Variants in PIK3R6 observed in about 807,000 individuals in gnomAD.
The protein encoded by PIK3R6 is phosphoinositide-3-kinase regulatory subunit 6.
In PIK3R6, 91 loss-of-function variants were observed where a neutral mutation model predicts 84.9. The ratio of observed to expected loss-of-function variants is 1.07; its 90% confidence interval spans 0.90 to 1.28. The LOEUF is 1.28. Ranked by LOEUF, PIK3R6 falls within the 50% of genes most tolerant of loss-of-function variation. The pLI, the probability that PIK3R6 is intolerant of heterozygous loss-of-function variation, is 0.00. For synonymous variants in PIK3R6, 416 were observed against 411.4 expected (o/e 1.01, Z -0.13); for missense variants, 996 against 985.1 (o/e 1.01, Z -0.15).
At chr17:8,853,217 A>G (rs754384210) in intron 1 of PIK3R6, among the ~76,000 whole-genome samples, 8 of 151,818 alleles carry the variant, frequency 5.3e-5, no homozygotes, top group African/African-American at 9.7e-5. Context: ...GGGGCGCAGT[A>G]GCTCACGCCT....
rs57194775 is a variant in PIK3R6, at chr17:8,839,495, T to G, written c.97+119A>C. 1 of 726,348 alleles carries G rather than the reference T, an allele frequency of 1.4e-6. No individual in the cohort carries two copies. Among genetic ancestry groups the G allele is most frequent in the Non-Finnish European group, 2.2e-6 (1 of 453,630 alleles). 45.0% of individuals were successfully genotyped at this position (726,348 alleles called of 1,614,324 possible). A position where few individuals can be genotyped will look rare whatever the true frequency, so the allele number is the denominator to read the frequency against. ...TATTTCCAGCAGGAAAGGGGTTTGG[T>G]GAGACGACCCTTGCCCCCTGAGCTC... On this transcript the variant is annotated intron_variant, in intron 3 of 19. Coordinates refer to ENST00000619866, the MANE Select transcript of PIK3R6 (RefSeq NM_001010855.4). This position sits in a 1 kb window ranked among gnomAD's most constrained non-coding sequence, Gnocchi z 4.2.
intron 1 of PIK3R6, among the ~76,000 whole-genome samples, chr17:8,850,639 T>A (rs1178843431): frequency 6.6e-6 from 1 of 152,170 alleles, no homozygotes; most frequent in Non-Finnish European, 1.5e-5. Flanking sequence ...CCCAGAGCGA[T>A]AAACCCAATG....
At position 8,804,169 on chromosome 17, in the gene PIK3R6, C is replaced by T. The variant is rs749130315; in HGVS notation, c.1996-16G>A. The T allele has an allele frequency of 3.1e-6, 5 of 1,601,286 alleles. No homozygotes were observed. In the South Asian group the frequency reaches 3.3e-5, roughly 11 times the overall value. The stretch of plus-strand genomic sequence containing the variant: ...TGGTCACTGTCTGCAGCACAGAGAT[C>T]GCACGTGTGAGTGTTGCCTTTGCTC... On this transcript the variant is annotated splice_polypyrimidine_tract_variant and intron_variant, in intron 18 of 19. Transcript: ENST00000619866.
Position 8,844,346 on chromosome 17 carries a change from C to T in PIK3R6, c.14-4649G>A, listed in dbSNP as rs1157964212. Among the ~76,000 whole-genome samples the T allele has an allele frequency of 6.6e-6, 1 of 152,210 alleles. No individual in the cohort carries two copies. Among genetic ancestry groups the T allele is most frequent in the Non-Finnish European group, 1.5e-5 (1 of 68,048 alleles). Reference sequence around the variant, plus strand: ...ACAAACTCCCACGTAGGGGGAAGCACTCCAAGTGAATGATGCTAGAGTTCA... The same window carrying T: ...ACAAACTCCCACGTAGGGGGAAGCATTCCAAGTGAATGATGCTAGAGTTCA... On this transcript the variant is annotated intron_variant, in intron 2 of 19. Coordinates refer to ENST00000619866, the MANE Select transcript of PIK3R6 (RefSeq NM_001010855.4). The surrounding 1 kb of genome is among the most constrained non-coding windows in gnomAD (Gnocchi z 4.5).
intron 18 of PIK3R6, among the ~76,000 whole-genome samples, chr17:8,818,026 CAGAT>C (rs766049430): frequency 2.0e-5 from 3 of 149,866 alleles, no homozygotes; most frequent in Non-Finnish European, 4.4e-5. Context: ...GAACTGCAAA[CAGAT>C]AGAGAAGAGC....
chr17:8,867,167 T>G (rs191408374), intron 1 of PIK3R6, among the ~76,000 whole-genome samples: 21 of 152,288 alleles, frequency 1.4e-4, no homozygotes, highest in African/African-American at 4.6e-4. Context: ...AACCTCTAAA[T>G]GCTGGTGAGA....
chr17:8,803,683 A>C lies in PIK3R6; in HGVS notation c.2109-254T>G. ...TTACCCAAACACACCTCCCGAGGGGAAGCCAGTAAGGGTCAGCTAACTGGA... is the reference window on the plus strand; with the variant it reads ...TTACCCAAACACACCTCCCGAGGGGCAGCCAGTAAGGGTCAGCTAACTGGA... On this transcript the variant is annotated intron_variant, in intron 19 of 19. Coordinates refer to ENST00000619866, the MANE Select transcript of PIK3R6 (RefSeq NM_001010855.4). The surrounding 1 kb of genome is among the most constrained non-coding windows in gnomAD (Gnocchi z 5.0). The C allele has an allele frequency of 1.8e-6, 1 of 546,238 alleles. No homozygotes were observed. Among genetic ancestry groups the C allele is most frequent in the Non-Finnish European group, 3.2e-6 (1 of 308,870 alleles). 33.8% of individuals were successfully genotyped at this position (546,238 alleles called of 1,614,324 possible).
chr17:8,807,331 C>A (rs1025031787), intron 18 of PIK3R6, among the ~76,000 whole-genome samples: 102 of 152,152 alleles, frequency 6.7e-4, no homozygotes, highest in Non-Finnish European at 1.2e-4. Context: ...AGGCCAGACA[C>A]CACACCAGCT....
chr17:8,840,750 T>TG (rs1163781935), intron 2 of PIK3R6, among the ~76,000 whole-genome samples: 458 of 128,898 alleles, frequency 3.6e-3, no homozygotes, highest in Non-Finnish European at 6.2e-3. Flanking sequence ...TATTATTATT[T>TG]TTGTGTGTGT....
At chr17:8,845,211 A>G (rs2088788609) in intron 2 of PIK3R6, among the ~76,000 whole-genome samples, 2 of 152,192 alleles carry the variant, frequency 1.3e-5, no homozygotes, top group South Asian at 2.1e-4. Flanking sequence ...GCTGGGTCGA[A>G]TGGTAGCTCT....
chr17:8,828,520 G>A, intron 11 of PIK3R6, 47 bp downstream of exon 11: 1 of 1,590,270 alleles, frequency 6.3e-7, no homozygotes, highest in Non-Finnish European at 8.5e-7. Context: ...AGGCCCACCT[G>A]TGCCCCTGAC....
In PIK3R6 at chr17:8,802,984, A is replaced by C; in HGVS notation, c.*289T>G. On this transcript the variant is annotated 3_prime_UTR_variant, in exon 20 of 20. Coordinates refer to ENST00000619866, the MANE Select transcript of PIK3R6 (RefSeq NM_001010855.4). ...TTGGGTGGGAGAGGACAGTGGGAGA[A>C]GTGGGAATTGAAGCTAAATGAAGGA... 2.7e-6 allele frequency: 1 copy of C among 367,414 alleles called. No homozygotes were observed. The highest frequency in any genetic ancestry group is 5.0e-6 in the Non-Finnish European group (1 of 199,642). The allele number at this position is 367,414 out of a possible 1,614,324, so 22.8% of individuals were successfully genotyped here. A position where few individuals can be genotyped will look rare whatever the true frequency, so the allele number is the denominator to read the frequency against.
chr17:8,819,020 C>A, intron 18 of PIK3R6, 63 bp downstream of exon 18: 1 of 1,295,212 alleles, frequency 7.7e-7, no homozygotes, highest in Non-Finnish European at 1.1e-6. Flanking sequence ...CCCCTCTGGG[C>A]TCCCAGCCAC....
At chr17:8,841,073 T>A (rs1371422086) in intron 2 of PIK3R6, among the ~76,000 whole-genome samples, 1 of 152,074 alleles carries the variant, frequency 6.6e-6, no homozygotes, top group East Asian at 1.9e-4. Flanking sequence ...TTTTAGTAGT[T>A]CCTGAATCCA....
At chr17:8,857,237 G>A (rs942184528) in intron 1 of PIK3R6, among the ~76,000 whole-genome samples, 24 of 152,162 alleles carry the variant, frequency 1.6e-4, no homozygotes, top group African/African-American at 5.1e-4. Flanking sequence ...CTTCACTGCA[G>A]CATGTCCAGC....
chr17:8,823,707 G>T (rs574987901), intron 13 of PIK3R6, among the ~76,000 whole-genome samples: 1 of 152,120 alleles, frequency 6.6e-6, no homozygotes, highest in Non-Finnish European at 1.5e-5. Flanking sequence ...TAGGGAATCC[G>T]ACTGATTTCA....
At chr17:8,829,123 A>G (rs1314566211) in intron 10 of PIK3R6, 133 bp from the exon 11 acceptor site, 1 of 852,202 alleles carries the variant, frequency 1.2e-6, no homozygotes, top group Admixed American at 3.5e-5. Context: ...ACATATGAAC[A>G]TGCACAGAGA....
chr17:8,803,372 C>T lies in PIK3R6; in HGVS notation c.2166G>A (p.Pro722=), dbSNP rs776955529. The T allele has an allele frequency of 7.9e-5, 128 of 1,613,500 alleles. No individual in the cohort carries two copies. Among genetic ancestry groups the T allele is most frequent in the Admixed American group, 3.2e-4 (19 of 59,968 alleles). Residue 722 remains proline (P), a synonymous_variant, in exon 20 of 20, where the codon CCG becomes CCA. Transcript: ENST00000619866. This position sits in a 1 kb window ranked among gnomAD's most constrained non-coding sequence, Gnocchi z 5.0. ...CCTGTTGCCCATGCAAATTGAGCCA[C>T]GGTGCCTTGGACTTCTGGGCCCCAG... ...PCSGAQKSKA[P]WLNLHGQQEV...
intron 1 of PIK3R6, among the ~76,000 whole-genome samples, 189 bp from the exon 2 acceptor site, chr17:8,850,074 C>T (rs886137393): frequency 4.6e-5 from 7 of 152,036 alleles, no homozygotes; most frequent in Non-Finnish European, 8.8e-5. Context: ...GAGGCCAAGG[C>T]GGGTGGATCA....
Sources: gnomAD v4.1 joint callset for allele counts (sites outside exome capture counted in the v4.1 genomes callset) on GRCh38, gnomAD v4.1.1 for gene constraint, Gnocchi (gnomAD v3.1) non-coding constraint, MANE v1.5 for transcripts, NCBI Gene and HGNC (gene_info 2026-07-23, HGNC 2026-07-21) for gene names.